Variants in MIER1 observed in about 807,000 individuals in gnomAD.
MIER1 encodes MIER1 transcriptional regulator.
Under a neutral mutation model 75.7 loss-of-function variants are expected in MIER1, and 40 were observed. That is an observed-to-expected ratio of 0.53 (90% CI 0.41 to 0.69). MIER1 has a LOEUF of 0.69. Ranked by LOEUF, MIER1 falls within the 30% of genes least tolerant of loss-of-function variation. The probability of loss-of-function intolerance (pLI) is 0.00; values close to 1 mark genes in which losing one functional copy is unlikely to be tolerated. For synonymous variants in MIER1, 213 were observed against 223.4 expected (o/e 0.95, Z 0.42); for missense variants, 574 against 680.2 (o/e 0.84, Z 1.74).
In MIER1 at chr1:66,925,057, G is replaced by A; in HGVS notation, c.29G>A (p.Gly10Asp). The A allele has an allele frequency of 6.5e-7, 1 of 1,548,822 alleles. No individual in the cohort carries two copies. Among genetic ancestry groups the A allele is most frequent in the Non-Finnish European group, 8.7e-7 (1 of 1,145,968 alleles). The change falls in exon 1 of 14, where the codon GGC (glycine) becomes GAC (aspartate). Residue 10 changes from glycine (G) to aspartate (D), a missense_variant. By Grantham distance (94) the Gly-to-Asp change is moderately conservative. This residue lies in a region of MIER1 where 309 missense variants were observed against 352.8 expected (regional missense o/e 0.88). Coordinates refer to ENST00000401041, the MANE Select transcript of MIER1 (RefSeq NM_001077700.3). ...GATGGGGCTTCTTCAGGCGGTGGCGGCAGCAGCGAAGGTGGCGGCGGCAGC... is the reference window on the plus strand; with the variant it reads ...GATGGGGCTTCTTCAGGCGGTGGCGACAGCAGCGAAGGTGGCGGCGGCAGC... MDGASSGGG[G>D]SSEGGGGSSG...
chr1:66,940,051 A>T lies in MIER1; in HGVS notation c.192A>T (p.Pro64=). 1 of 1,604,194 alleles carries T rather than the reference A, an allele frequency of 6.2e-7. No individual in the cohort carries two copies. The highest frequency in any genetic ancestry group is 8.5e-7 in the Non-Finnish European group (1 of 1,171,998). Residue 64 remains proline (P), a splice_region_variant and synonymous_variant, in exon 3 of 14, where the codon CCA becomes CCT. Transcript: ENST00000401041. The stretch of plus-strand genomic sequence containing the variant: ...AGCCATCTGTTGAATCTTCAAGTCC[A>T]GGTAAGTATTTTCCATATTTTTTAT... ...VMLPSVESSS[P]GGSATSDDHE... is the part of the protein sequence containing the mutation.
At chr1:66,980,785 A>G (rs747136845) in intron 12 of MIER1, among the ~76,000 whole-genome samples, 3 of 151,964 alleles carry the variant, frequency 2.0e-5, no homozygotes, top group Non-Finnish European at 2.9e-5. Context: ...ACCTTGGGGA[A>G]TTCTAGTGCA....
At position 66,938,398 on chromosome 1, in the gene MIER1, A is replaced by T. The variant is rs1170758382; in HGVS notation, c.169-1630A>T. ...TGTTCATAAGTCTTATTTTGTGTGGATAGTGAGCTAGGATTAGATGAAGAT... is the reference window on the plus strand; with the variant it reads ...TGTTCATAAGTCTTATTTTGTGTGGTTAGTGAGCTAGGATTAGATGAAGAT... On this transcript the variant is annotated intron_variant, in intron 2 of 13. Coordinates refer to ENST00000401041, the MANE Select transcript of MIER1 (RefSeq NM_001077700.3). 2.0e-5 allele frequency among the ~76,000 whole-genome samples: 3 copies of T among 152,112 alleles called. No individual in the cohort carries two copies. In the South Asian group the frequency reaches 6.2e-4, roughly 32 times the overall value.
intron 2 of MIER1, among the ~76,000 whole-genome samples, chr1:66,932,036 CTT>C (rs1653530906): frequency 6.6e-6 from 1 of 151,990 alleles, no homozygotes; most frequent in Admixed American, 6.6e-5. Context: ...AGTTAAAAAA[CTT>C]AAATTTAAAA....
intron 4 of MIER1, among the ~76,000 whole-genome samples, chr1:66,954,225 T>C (rs1056400047): frequency 6.6e-6 from 1 of 152,212 alleles, no homozygotes; most frequent in Admixed American, 6.5e-5. Flanking sequence ...AATCTTCCCC[T>C]GCCTAAGTTC....
chr1:66,970,098 AT>A (rs150338898), intron 8 of MIER1, among the ~76,000 whole-genome samples: 1,536 of 152,278 alleles, frequency 0.01, 27 homozygotes, highest in African/African-American at 0.035. Flanking sequence ...ATCATTTGGA[AT>A]TCCACAGGCT....
intron 8 of MIER1, among the ~76,000 whole-genome samples, chr1:66,967,228 A>G (rs1424229664): frequency 6.6e-6 from 1 of 152,186 alleles, no homozygotes; most frequent in East Asian, 1.9e-4. Flanking sequence ...GCATATGGAT[A>G]TCCAGTTTCC....
chr1:66,987,531 T>TTAA lies in MIER1; in HGVS notation c.*2631_*2632insTAA, dbSNP rs573151134. Reference sequence around the variant, plus strand: ...GAGCTTTAAAATGTATTTGAAGTAATATTTAAATAGGCATTTAAAATTTCA... The same window carrying TTAA: ...GAGCTTTAAAATGTATTTGAAGTAATTAAATTTAAATAGGCATTTAAAATTTCA... On this transcript the variant is annotated 3_prime_UTR_variant, in exon 14 of 14. Transcript: ENST00000401041. The TTAA allele has an allele frequency of 7.9e-5, 12 of 152,714 alleles. No individual in the cohort carries two copies. The highest frequency in any genetic ancestry group is 1.8e-4 in the Non-Finnish European group (12 of 67,994). The allele number at this position is 152,714 out of a possible 1,614,324, so 9.5% of individuals were successfully genotyped here. A position where few individuals can be genotyped will look rare whatever the true frequency, so the allele number is the denominator to read the frequency against.
At chr1:66,957,500 T>C (rs1660373001) in intron 4 of MIER1, among the ~76,000 whole-genome samples, 1 of 152,124 alleles carries the variant, frequency 6.6e-6, no homozygotes, top group Non-Finnish European at 1.5e-5. Context: ...GAGATGATTT[T>C]ATATGTAAAT....
At chr1:66,981,723 A>T in intron 12 of MIER1, 56 bp from the exon 13 acceptor site, 1 of 1,419,704 alleles carries the variant, frequency 7.0e-7, no homozygotes, top group East Asian at 2.5e-5. Flanking sequence ...TTTAACCTCA[A>T]CTAATTTTTA....
intron 8 of MIER1, among the ~76,000 whole-genome samples, chr1:66,968,483 T>C (rs2101840080): frequency 6.6e-6 from 1 of 152,284 alleles, no homozygotes; most frequent in Non-Finnish European, 1.5e-5. Flanking sequence ...ATCTTTATTG[T>C]AGGGATTACT....
intron 12 of MIER1, among the ~76,000 whole-genome samples, chr1:66,977,348 G>T (rs1664930004): frequency 2.0e-5 from 3 of 152,024 alleles, no homozygotes; most frequent in Admixed American, 1.3e-4. Flanking sequence ...GACCTCAAAT[G>T]ATCCACCTGC....
At position 66,987,766 on chromosome 1, in the gene MIER1, T is replaced by TAC. The variant is rs1328454346; in HGVS notation, c.*2867_*2868insCA. On this transcript the variant is annotated 3_prime_UTR_variant, in exon 14 of 14. Coordinates refer to ENST00000401041, the MANE Select transcript of MIER1 (RefSeq NM_001077700.3). ...ATGCATGTTATTGACAAGGCAAATA[T>TAC]ATATATATACACAGTCTGTTTCTTC... 2.0e-5 allele frequency: 3 copies of TAC among 152,202 alleles called. No homozygotes were observed. Among genetic ancestry groups the TAC allele is most frequent in the Non-Finnish European group, 4.4e-5 (3 of 67,970 alleles). The allele number at this position is 152,202 out of a possible 1,614,324, so 9.4% of individuals were successfully genotyped here.
chr1:66,954,024 T>C (rs1221946412), intron 4 of MIER1, among the ~76,000 whole-genome samples: 2 of 152,210 alleles, frequency 1.3e-5, no homozygotes, highest in Admixed American at 6.5e-5. Context: ...TGTAGTTGGG[T>C]ACAAGGAATA....
At chr1:66,951,058 A>T (rs754790529) in intron 4 of MIER1, among the ~76,000 whole-genome samples, 4 of 152,196 alleles carry the variant, frequency 2.6e-5, no homozygotes, top group Non-Finnish European at 5.9e-5. Flanking sequence ...GGAGCTAGGA[A>T]CTAGCACCTC....
intron 3 of MIER1, among the ~76,000 whole-genome samples, chr1:66,943,544 G>A (rs1453540949): frequency 6.6e-6 from 1 of 150,484 alleles, no homozygotes. Context: ...CTTTCCTTTC[G>A]TTTAGTTTTG....
At chr1:66,958,499 A>G (rs1315000776) in intron 5 of MIER1, among the ~76,000 whole-genome samples, 1 of 152,062 alleles carries the variant, frequency 6.6e-6, no homozygotes, top group Non-Finnish European at 1.5e-5. Flanking sequence ...GCTTTTAAAT[A>G]ATAAAGGCTA....
In MIER1 at chr1:66,925,492, G is replaced by A. The variant is rs947997181; in HGVS notation, c.67+397G>A. On this transcript the variant is annotated intron_variant, in intron 1 of 13. Transcript: ENST00000401041. Reference sequence around the variant, plus strand: ...TTTCTCCTGTATTTCCCTCACTTGTGTCCCATCCCCGGGAGGCTCTCGCTT... The same window carrying A: ...TTTCTCCTGTATTTCCCTCACTTGTATCCCATCCCCGGGAGGCTCTCGCTT... The A allele has an allele frequency of 1.2e-5, 12 of 985,342 alleles. No homozygotes were observed. The African/African-American group carries it at 2.1e-4, about 17-fold the overall frequency. The allele number at this position is 985,342 out of a possible 1,614,324, so 61.0% of individuals were successfully genotyped here.
chr1:66,955,453 AATTCTG>A (rs1659931821), intron 4 of MIER1, among the ~76,000 whole-genome samples: 1 of 148,766 alleles, frequency 6.7e-6, no homozygotes, highest in African/African-American at 2.5e-5. Flanking sequence ...CCCTCAAGGT[AATTCTG>A]ATACCCTTAA....
Sources: gnomAD v4.1 joint callset for allele counts (sites outside exome capture counted in the v4.1 genomes callset) on GRCh38, gnomAD v4.1.1 for gene constraint, gnomAD v4.1.1 regional missense constraint, MANE v1.5 for transcripts, NCBI Gene and HGNC (gene_info 2026-07-23, HGNC 2026-07-21) for gene names.